TTLL12: variants seen among roughly 807,000 people sequenced by gnomAD.
TTLL12 encodes the protein tubulin tyrosine ligase like 12, also known as tubulin--tyrosine ligase-like protein 12.
Under a neutral mutation model 79.6 loss-of-function variants are expected in TTLL12, and 77 were observed. That is an observed-to-expected ratio of 0.97 (90% CI 0.81 to 1.17). The LOEUF (loss-of-function observed/expected upper bound fraction) is 1.17, where lower values mean the gene tolerates loss of function less well. TTLL12 is among the 50% of genes most tolerant of loss of function. The probability of loss-of-function intolerance (pLI) is 0.00; values close to 1 mark genes in which losing one functional copy is unlikely to be tolerated. For synonymous variants in TTLL12, 437 were observed against 376.1 expected (o/e 1.16, Z -1.87); for missense variants, 969 against 895.9 (o/e 1.08, Z -1.04).
intron 5 of TTLL12, 95 bp downstream of exon 5, chr22:43,179,524 C>A: frequency 1.4e-6 from 2 of 1,427,264 alleles, no homozygotes; most frequent in Non-Finnish European, 1.8e-6. Flanking sequence ...CAGGGCCTGG[C>A]ACCCGGCTGG....
Position 43,172,343 on chromosome 22 carries a change from C to T in TTLL12, c.1493+60G>A, listed in dbSNP as rs917708101. 2.8e-5 allele frequency: 45 copies of T among 1,595,756 alleles called. No individual in the cohort carries two copies. The East Asian group carries it at 6.7e-4, about 24-fold the overall frequency. ...TTCCAAAAAGGGCCCATCACCCACCCGCTACCTCCACCCGGTCACCCAGCT... is the reference window on the plus strand; with the variant it reads ...TTCCAAAAAGGGCCCATCACCCACCTGCTACCTCCACCCGGTCACCCAGCT... On this transcript the variant is annotated intron_variant, in intron 10 of 13. Transcript: ENST00000216129.
In TTLL12 at chr22:43,186,921, C is replaced by T; in HGVS notation, c.149G>A (p.Gly50Asp). 1 of 1,361,880 alleles carries T rather than the reference C, an allele frequency of 7.3e-7. No homozygotes were observed. Among genetic ancestry groups the T allele is most frequent in the Non-Finnish European group, 9.5e-7 (1 of 1,054,590 alleles). 84.4% of individuals were successfully genotyped at this position (1,361,880 alleles called of 1,614,324 possible). A position where few individuals can be genotyped will look rare whatever the true frequency, so the allele number is the denominator to read the frequency against. The change falls in exon 1 of 14, where the codon GGC (glycine) becomes GAC (aspartate). Residue 50 changes from glycine to aspartate, a missense_variant. Physicochemically the swap from Gly to Asp is moderately conservative, Grantham distance 94. Coordinates refer to ENST00000216129, the MANE Select transcript of TTLL12 (RefSeq NM_015140.4). ...RASGVPERYW[G>D]RLLHKLEHEV... ...GTGCTCCAGCTTGTGCAGGAGGCGG[C>T]CCCAGTAACGTTCGGGGACCCCCGA... is the stretch of plus-strand genomic sequence containing the variant.
intron 9 of TTLL12, among the ~76,000 whole-genome samples, chr22:43,173,171 A>G (rs1931809343): frequency 6.6e-6 from 1 of 152,114 alleles, no homozygotes; most frequent in African/African-American, 2.4e-5. Context: ...TGCAATCCCA[A>G]TACTGCTTCT....
chr22:43,170,770 G>A (rs1307691312), intron 11 of TTLL12, among the ~76,000 whole-genome samples: 1 of 152,096 alleles, frequency 6.6e-6, no homozygotes, highest in Non-Finnish European at 1.5e-5. Flanking sequence ...AAAATTAGCC[G>A]GGCGTGGAGG....
Position 43,169,495 on chromosome 22 carries a change from A to C in TTLL12, c.1644+5T>G. On this transcript the variant is annotated splice_donor_5th_base_variant and intron_variant, in intron 12 of 13. Transcript: ENST00000216129. The stretch of plus-strand genomic sequence containing the variant: ...GCCTGCGATGGTGTGCAGGACAGGA[A>C]TTACCTGGACGTCCGTCCAGGGAAA... The C allele has an allele frequency of 6.3e-7, 1 of 1,591,472 alleles. No homozygotes were observed. The highest frequency in any genetic ancestry group is 8.6e-7 in the Non-Finnish European group (1 of 1,167,684).
rs56371974 is a variant in TTLL12, at chr22:43,167,666, A to G, written c.*342T>C. ...GAACCCTTCCCCCAGCACCCCCTGG[A>G]AACACAGCAGCCAGGAACAAATTCT... is the stretch of plus-strand genomic sequence containing the variant. On this transcript the variant is annotated 3_prime_UTR_variant, in exon 14 of 14. Coordinates refer to ENST00000216129, the MANE Select transcript of TTLL12 (RefSeq NM_015140.4). The G allele has an allele frequency of 0.12, 25,299 of 219,962 alleles. 3,605 individuals carry two copies. The highest frequency in any genetic ancestry group is 0.68 in the East Asian group (5,947 of 8,766). 13.6% of individuals were successfully genotyped at this position (219,962 alleles called of 1,614,324 possible). A position where few individuals can be genotyped will look rare whatever the true frequency, so the allele number is the denominator to read the frequency against.
intron 5 of TTLL12, among the ~76,000 whole-genome samples, chr22:43,177,558 T>C (rs1931947674): frequency 6.6e-6 from 1 of 152,162 alleles, no homozygotes; most frequent in Non-Finnish European, 1.5e-5. Context: ...GCTTCCTCTC[T>C]GCTCTCTCCC....
At position 43,171,892 on chromosome 22, in the gene TTLL12, G is replaced by C; in HGVS notation, c.1502C>G (p.Ala501Gly). Reference protein sequence around the residue: ...FWLRFSNRAFALNDLDDYEKH... With the variant: ...FWLRFSNRAFGLNDLDDYEKH... Reference sequence around the variant, plus strand: ...CTCGTAGTCATCCAGGTCGTTGAGTGCAAAGGCCCTGGAAGACAAGTGTGC... The same window carrying C: ...CTCGTAGTCATCCAGGTCGTTGAGTCCAAAGGCCCTGGAAGACAAGTGTGC... Residue 501 changes from alanine to glycine, a missense_variant, in exon 11 of 14, where the codon GCA (alanine) becomes GGA (glycine). Ala to Gly is a moderately conservative substitution (Grantham distance 60). Coordinates refer to ENST00000216129, the MANE Select transcript of TTLL12 (RefSeq NM_015140.4). 1 of 1,614,076 alleles carries C rather than the reference G, an allele frequency of 6.2e-7. No individual in the cohort carries two copies. The highest frequency in any genetic ancestry group is 2.2e-5 in the East Asian group (1 of 44,878).
intron 1 of TTLL12, among the ~76,000 whole-genome samples, chr22:43,185,431 C>A (rs996727737): frequency 2.0e-5 from 3 of 151,520 alleles, no homozygotes; most frequent in African/African-American, 7.3e-5. Context: ...CTCCTCCACA[C>A]CTGGGCCAGT....
chr22:43,181,646 C>T (rs35378446), intron 2 of TTLL12, among the ~76,000 whole-genome samples: 12,989 of 152,278 alleles, frequency 0.085, 620 homozygotes, highest in Non-Finnish European at 0.11. Context: ...TCTGCCGGAT[C>T]AGGAGGCACC....
Position 43,186,876 on chromosome 22 carries a change from G to A in TTLL12, c.177+17C>T, listed in dbSNP as rs1190174757. On this transcript the variant is annotated intron_variant, in intron 1 of 13. Coordinates refer to ENST00000216129, the MANE Select transcript of TTLL12 (RefSeq NM_015140.4). Reference sequence around the variant, plus strand: ...CCCACCCCGGCCGCCGCACGTGCCCGCCGCCCTTCCCCGCACCTCGTGCTC... The same window carrying A: ...CCCACCCCGGCCGCCGCACGTGCCCACCGCCCTTCCCCGCACCTCGTGCTC... The A allele has an allele frequency of 2.4e-6, 3 of 1,262,304 alleles. No individual in the cohort carries two copies. Among genetic ancestry groups the A allele is most frequent in the South Asian group, 5.1e-5 (2 of 39,128 alleles). The allele number at this position is 1,262,304 out of a possible 1,614,324, so 78.2% of individuals were successfully genotyped here. A position where few individuals can be genotyped will look rare whatever the true frequency, so the allele number is the denominator to read the frequency against.
intron 3 of TTLL12, 32 bp downstream of exon 3, chr22:43,180,710 T>G: frequency 2.5e-6 from 4 of 1,607,668 alleles, no homozygotes; most frequent in Non-Finnish European, 3.4e-6. Flanking sequence ...ATGCCTGTCC[T>G]CCCCCTCCCC....
Position 43,168,891 on chromosome 22 carries a change from T to C in TTLL12, c.1666A>G (p.Thr556Ala), listed in dbSNP as rs1271873634. ...DVQAEIFRAFTELFQVACAKP... is the reference protein window; with the variant it reads ...DVQAEIFRAFAELFQVACAKP... ...GCACAGGCCACCTGGAACAGCTCCGTGAAGGCCCGGAAGATCTCAGCCTGG... is the reference window on the plus strand; with the variant it reads ...GCACAGGCCACCTGGAACAGCTCCGCGAAGGCCCGGAAGATCTCAGCCTGG... Residue 556 changes from threonine to alanine, a missense_variant, in exon 13 of 14, where the codon ACG becomes GCG. Physicochemically the swap from Thr to Ala is moderately conservative, Grantham distance 58. Transcript: ENST00000216129. 6.2e-7 allele frequency: 1 copy of C among 1,611,380 alleles called. No individual in the cohort carries two copies. Among genetic ancestry groups the C allele is most frequent in the Admixed American group, 1.7e-5 (1 of 59,804 alleles).
intron 11 of TTLL12, 104 bp from the exon 12 acceptor site, chr22:43,169,672 G>A: frequency 7.8e-7 from 1 of 1,274,826 alleles, no homozygotes; most frequent in South Asian, 1.3e-5. Flanking sequence ...ACTGGGTGGG[G>A]GTTCCAGGAG....
chr22:43,177,171 C>A (rs536027705), intron 5 of TTLL12, among the ~76,000 whole-genome samples: 50 of 152,124 alleles, frequency 3.3e-4, no homozygotes, highest in African/African-American at 8.4e-4. Context: ...TGTGTAGGAC[C>A]AGCCTGGGCA....
chr22:43,185,350 T>A (rs1458742804), intron 1 of TTLL12, among the ~76,000 whole-genome samples: 1 of 145,418 alleles, frequency 6.9e-6, no homozygotes, highest in Non-Finnish European at 1.5e-5. Context: ...CGGCCTAAGG[T>A]GAGGCAGGAG....
intron 10 of TTLL12, 108 bp from the exon 11 acceptor site, chr22:43,172,008 G>C (rs1931779562): frequency 5.5e-6 from 5 of 905,940 alleles, no homozygotes; most frequent in Non-Finnish European, 8.8e-6. Flanking sequence ...GCTCAGGGCA[G>C]GACCACCTGC....
intron 1 of TTLL12, among the ~76,000 whole-genome samples, chr22:43,183,656 A>T (rs983344429): frequency 1.3e-5 from 2 of 152,182 alleles, no homozygotes; most frequent in African/African-American, 4.8e-5. Context: ...GCCCAGCCCC[A>T]CCCAATCCAG....
Position 43,182,954 on chromosome 22 carries a change from G to A in TTLL12, c.347+26C>T, listed in dbSNP as rs753197818. 4.4e-6 allele frequency: 7 copies of A among 1,606,586 alleles called. No homozygotes were observed. In the African/African-American group the frequency reaches 5.3e-5, roughly 12 times the overall value. On this transcript the variant is annotated intron_variant, in intron 2 of 13. Coordinates refer to ENST00000216129, the MANE Select transcript of TTLL12 (RefSeq NM_015140.4). ...CCACCTTTCACCAAGTGAAGGTTGT[G>A]GTGGTGTCTCTGGCCAGGCTCCTAC...
Sources: gnomAD v4.1 joint callset for allele counts (sites outside exome capture counted in the v4.1 genomes callset) on GRCh38, gnomAD v4.1.1 for gene constraint, MANE v1.5 for transcripts, NCBI Gene and HGNC (gene_info 2026-07-23, HGNC 2026-07-21) for gene names.